KDF1: variants seen among roughly 807,000 people sequenced by gnomAD.
KDF1 encodes keratinocyte differentiation factor 1, also known as RP11-344H11.3.
In KDF1, 11 loss-of-function variants were observed where a neutral mutation model predicts 31.6. That is an observed-to-expected ratio of 0.35 (90% CI 0.22 to 0.58). The LOEUF (loss-of-function observed/expected upper bound fraction) is 0.58, where lower values mean the gene tolerates loss of function less well. Ranked by LOEUF, KDF1 falls within the 20% of genes least tolerant of loss-of-function variation. The pLI, the probability that KDF1 is intolerant of heterozygous loss-of-function variation, is 0.83. For missense variants in KDF1, 476 were observed against 549.1 expected (o/e 0.87, Z 1.33); for synonymous variants, 205 against 214.4 (o/e 0.96, Z 0.38).
chr1:26,957,327 T>C (rs2082381100), intron 1 of KDF1, among the ~76,000 whole-genome samples: 1 of 152,216 alleles, frequency 6.6e-6, no homozygotes, highest in Non-Finnish European at 1.5e-5. Flanking sequence ...CTGGAACCAC[T>C]AGTCAGATGG....
intron 1 of KDF1, among the ~76,000 whole-genome samples, chr1:26,958,243 T>C (rs576130859): frequency 1.3e-5 from 2 of 150,862 alleles, no homozygotes; most frequent in South Asian, 2.1e-4. Flanking sequence ...GTGCAAGCGA[T>C]TCTCCTGCCT....
chr1:26,957,512 G>A (rs2124164255), intron 1 of KDF1, among the ~76,000 whole-genome samples: 1 of 152,226 alleles, frequency 6.6e-6, no homozygotes, highest in Non-Finnish European at 1.5e-5. Context: ...TGCCTCAGGG[G>A]ACTGACAGAT....
Position 26,960,041 on chromosome 1 carries a change from G to A in KDF1, c.-33+309C>T, listed in dbSNP as rs1475931789. Among the ~76,000 whole-genome samples, 1 of 152,074 alleles carries A rather than the reference G, an allele frequency of 6.6e-6. No homozygotes were observed. Among genetic ancestry groups the A allele is most frequent in the Non-Finnish European group, 1.5e-5 (1 of 67,980 alleles). ...CGCGGGCGGACCCAGCCTCCCTCCC[G>A]TCCCGACGCTGTTCCTCGGGGTGAG... is the stretch of plus-strand genomic sequence containing the variant. On this transcript the variant is annotated intron_variant, in intron 1 of 3. Coordinates refer to ENST00000320567, the MANE Select transcript of KDF1 (RefSeq NM_152365.3). The surrounding 1 kb of genome is among the most constrained non-coding windows in gnomAD (Gnocchi z 4.9).
chr1:26,955,753 G>A (rs1368412868), intron 1 of KDF1, among the ~76,000 whole-genome samples: 6 of 152,126 alleles, frequency 3.9e-5, no homozygotes, highest in East Asian at 1.9e-4. Context: ...TCAGGATTTC[G>A]AGACCAGCCT....
At position 26,952,258 on chromosome 1, in the gene KDF1, G is replaced by A. The variant is rs773018618; in HGVS notation, c.123C>T (p.Arg41=). The A allele has an allele frequency of 5.7e-6, 9 of 1,587,282 alleles. No individual in the cohort carries two copies. Among genetic ancestry groups the A allele is most frequent in the South Asian group, 3.4e-5 (3 of 88,010 alleles). ...GGTCCTTGGGGTCTGGTCTACGGGTGCGGCGGCTTGGTGGGGGCTGAGGTG... is the reference window on the plus strand; with the variant it reads ...GGTCCTTGGGGTCTGGTCTACGGGTACGGCGGCTTGGTGGGGGCTGAGGTG... ...DKPPQPPPSR[R]TRRPDPKDPG... The change falls in exon 2 of 4, where the codon CGC becomes CGT. Residue 41 remains arginine, a synonymous_variant. Coordinates refer to ENST00000320567, the MANE Select transcript of KDF1 (RefSeq NM_152365.3). This position sits in a 1 kb window ranked among gnomAD's most constrained non-coding sequence, Gnocchi z 4.1.
Position 26,949,899 on chromosome 1 carries a change from T to C in KDF1, c.*170A>G. 1.6e-6 allele frequency: 1 copy of C among 606,484 alleles called. No individual in the cohort carries two copies. The highest frequency in any genetic ancestry group is 2.9e-6 in the Non-Finnish European group (1 of 344,646). The allele number at this position is 606,484 out of a possible 1,614,324, so 37.6% of individuals were successfully genotyped here. On this transcript the variant is annotated 3_prime_UTR_variant, in exon 4 of 4. Coordinates refer to ENST00000320567, the MANE Select transcript of KDF1 (RefSeq NM_152365.3). ...GGGATGCAAGGAGATGTAGATCCCATGGCCCAGTGAAATGCACATGGTCCA... is the reference window on the plus strand; with the variant it reads ...GGGATGCAAGGAGATGTAGATCCCACGGCCCAGTGAAATGCACATGGTCCA...
chr1:26,951,230 G>C lies in KDF1; in HGVS notation c.1039+112C>G. 8.9e-7 allele frequency: 1 copy of C among 1,126,090 alleles called. No homozygotes were observed. Among genetic ancestry groups the C allele is most frequent in the Admixed American group, 2.9e-5 (1 of 34,476 alleles). 69.8% of individuals were successfully genotyped at this position (1,126,090 alleles called of 1,614,324 possible). Reference sequence around the variant, plus strand: ...AGAGTTGACAGAAAGGAGGAGGAAAGGCAGGGACTGGCTGAGGGGTAGACC... The same window carrying C: ...AGAGTTGACAGAAAGGAGGAGGAAACGCAGGGACTGGCTGAGGGGTAGACC... On this transcript the variant is annotated intron_variant, in intron 2 of 3. Coordinates refer to ENST00000320567, the MANE Select transcript of KDF1 (RefSeq NM_152365.3). This position sits in a 1 kb window ranked among gnomAD's most constrained non-coding sequence, Gnocchi z 5.4.
At position 26,950,183 on chromosome 1, in the gene KDF1, G is replaced by T. The variant is rs1236274485; in HGVS notation, c.1115-32C>A. 4 of 1,582,890 alleles carry T rather than the reference G, an allele frequency of 2.5e-6. No homozygotes were observed. The highest frequency in any genetic ancestry group is 3.3e-4 in the Middle Eastern group (2 of 5,992). On this transcript the variant is annotated intron_variant, in intron 3 of 3. Coordinates refer to ENST00000320567, the MANE Select transcript of KDF1 (RefSeq NM_152365.3). This position sits in a 1 kb window ranked among gnomAD's most constrained non-coding sequence, Gnocchi z 4.0. ...GGAAGGAGAGGAGAGGAGGAAACAG[G>T]CTCAGGGGAAGGAGCTCATCCAGAT...
chr1:26,950,742 T>A lies in KDF1; in HGVS notation c.1054A>T (p.Ile352Phe). The change falls in exon 3 of 4, where the codon ATC (isoleucine) becomes TTC (phenylalanine). Residue 352 changes from isoleucine (I) to phenylalanine (F), a missense_variant. Coordinates refer to ENST00000320567, the MANE Select transcript of KDF1 (RefSeq NM_152365.3). This position sits in a 1 kb window ranked among gnomAD's most constrained non-coding sequence, Gnocchi z 4.0. ...GCATCTGCAGTCGTCTCCTGGGAGA[T>A]CTGCACTGTCAGCTCTAGGGAGGGA... ...GLSQDELTVQ[I>F]SQETTADAIA... The A allele has an allele frequency of 6.2e-7, 1 of 1,614,080 alleles. No homozygotes were observed. Among genetic ancestry groups the A allele is most frequent in the Non-Finnish European group, 8.5e-7 (1 of 1,179,946 alleles).
rs533710829 is a variant in KDF1 at position 26,960,007 on chromosome 1, G to T, written c.-33+343C>A. ...AGCACTACCCTCTCCAGCTGCAAGG[G>T]CCCTACCCCGCGGGCGGACCCAGCC... On this transcript the variant is annotated intron_variant, in intron 1 of 3. Transcript: ENST00000320567. The surrounding 1 kb of genome is among the most constrained non-coding windows in gnomAD (Gnocchi z 4.9). Among the ~76,000 whole-genome samples, 23 of 152,258 alleles carry T rather than the reference G, an allele frequency of 1.5e-4. No individual in the cohort carries two copies. Among genetic ancestry groups the T allele is most frequent in the African/African-American group, 5.5e-4 (23 of 41,572 alleles).
At position 26,955,887 on chromosome 1, in the gene KDF1, G is replaced by A. The variant is rs561279453; in HGVS notation, c.-32-3475C>T. The stretch of plus-strand genomic sequence containing the variant: ...GGAGAATCGCTTGAACTTGGGAGGC[G>A]GAGGTTGCAGTGAGCCCAGATCGCA... On this transcript the variant is annotated intron_variant, in intron 1 of 3. Transcript: ENST00000320567. Among the ~76,000 whole-genome samples, 295 of 152,206 alleles carry A rather than the reference G, an allele frequency of 1.9e-3. 2 individuals are homozygous for A. The highest frequency in any genetic ancestry group is 1.2e-3 in the Non-Finnish European group (82 of 68,000).
Position 26,951,211 on chromosome 1 carries a change from G to C in KDF1, c.1039+131C>G. 1 of 1,017,036 alleles carries C rather than the reference G, an allele frequency of 9.8e-7. No individual in the cohort carries two copies. The highest frequency in any genetic ancestry group is 2.6e-5 in the East Asian group (1 of 38,030). 63.0% of individuals were successfully genotyped at this position (1,017,036 alleles called of 1,614,324 possible). A position where few individuals can be genotyped will look rare whatever the true frequency, so the allele number is the denominator to read the frequency against. ...GCTGGGGAGAGGGGATGCAAGAGTT[G>C]ACAGAAAGGAGGAGGAAAGGCAGGG... is the stretch of plus-strand genomic sequence containing the variant. On this transcript the variant is annotated intron_variant, in intron 2 of 3. Coordinates refer to ENST00000320567, the MANE Select transcript of KDF1 (RefSeq NM_152365.3). This position sits in a 1 kb window ranked among gnomAD's most constrained non-coding sequence, Gnocchi z 5.4.
chr1:26,955,352 C>T (rs901846981), intron 1 of KDF1, among the ~76,000 whole-genome samples: 1 of 152,140 alleles, frequency 6.6e-6, no homozygotes, highest in Non-Finnish European at 1.5e-5. Context: ...TCTCCTGGTC[C>T]TTCAAATCAG....
rs962677426 is a variant in KDF1 at position 26,952,497 on chromosome 1, G to A, written c.-32-85C>T. 3 of 1,034,792 alleles carry A rather than the reference G, an allele frequency of 2.9e-6. No homozygotes were observed. The highest frequency in any genetic ancestry group is 4.1e-6 in the Non-Finnish European group (3 of 738,520). 64.1% of individuals were successfully genotyped at this position (1,034,792 alleles called of 1,614,324 possible). A position where few individuals can be genotyped will look rare whatever the true frequency, so the allele number is the denominator to read the frequency against. On this transcript the variant is annotated intron_variant, in intron 1 of 3. Transcript: ENST00000320567. The surrounding 1 kb of genome is among the most constrained non-coding windows in gnomAD (Gnocchi z 4.1). ...TGACTTGAGCAGCTTCACATTTCTAGTTTCTGAGAGGCCTGGGATGTGGAT... is the reference window on the plus strand; with the variant it reads ...TGACTTGAGCAGCTTCACATTTCTAATTTCTGAGAGGCCTGGGATGTGGAT...
chr1:26,954,722 A>G (rs1465510038), intron 1 of KDF1, among the ~76,000 whole-genome samples: 2 of 149,610 alleles, frequency 1.3e-5, no homozygotes, highest in Non-Finnish European at 3.0e-5. Flanking sequence ...AATCTCAGCT[A>G]CTGAGGAGGC....
At chr1:26,955,306 C>G (rs1290787638) in intron 1 of KDF1, among the ~76,000 whole-genome samples, 1 of 152,180 alleles carries the variant, frequency 6.6e-6, no homozygotes, top group Non-Finnish European at 1.5e-5. Flanking sequence ...TTCCATAAGA[C>G]TTGCTATGGA....
rs201055069 is a variant in KDF1, at chr1:26,951,541, G to A, written c.840C>T (p.Ser280=). 1.2e-6 allele frequency: 2 copies of A among 1,612,820 alleles called. No homozygotes were observed. Among genetic ancestry groups the A allele is most frequent in the Middle Eastern group, 1.7e-4 (1 of 6,056 alleles). ...CCAGGTGGTAGTCCTGCGTGATGCT[G>A]CTGATAAGGTCCGAGATCTTACTGG... The part of the protein sequence containing the change: ...EKTSKISDLI[S]SITQDYHLDE... Residue 280 remains serine, a synonymous_variant, in exon 2 of 4, where the codon AGC becomes AGT. Coordinates refer to ENST00000320567, the MANE Select transcript of KDF1 (RefSeq NM_152365.3). The surrounding 1 kb of genome is among the most constrained non-coding windows in gnomAD (Gnocchi z 5.4).
intron 1 of KDF1, among the ~76,000 whole-genome samples, chr1:26,956,049 T>C (rs1412255805): frequency 6.6e-6 from 1 of 152,186 alleles, no homozygotes; most frequent in East Asian, 1.9e-4. Context: ...AGGAAGATTA[T>C]GCAGTAGTGT....
chr1:26,954,056 G>A (rs1010620040), intron 1 of KDF1, among the ~76,000 whole-genome samples: 7 of 152,056 alleles, frequency 4.6e-5, no homozygotes, highest in Admixed American at 1.3e-4. Flanking sequence ...TAGTTGCCTG[G>A]TGCTGGGGGC....
Sources: allele counts gnomAD v4.1 joint callset (sites outside exome capture counted in the v4.1 genomes callset), GRCh38; gene constraint gnomAD v4.1.1; non-coding constraint Gnocchi (gnomAD v3.1); transcripts MANE v1.5; gene names NCBI Gene and HGNC (gene_info 2026-07-23, HGNC 2026-07-21).